The following FAM184A variants were observed in gnomAD, a reference collection of about 807,000 sequenced individuals.
FAM184A encodes the protein protein FAM184A.
Under a neutral mutation model 143.8 loss-of-function variants are expected in FAM184A, and 99 were observed. The observed-to-expected ratio is 0.69, with a 90% CI of 0.58 to 0.81. The LOEUF is 0.81. FAM184A is among the 40% of genes least tolerant of loss of function. The probability of loss-of-function intolerance (pLI) is 0.00; values close to 1 mark genes in which losing one functional copy is unlikely to be tolerated. For missense variants in FAM184A, 1,217 were observed against 1,310.5 expected, an observed-to-expected ratio of 0.93 and a Z score of 1.10; for synonymous variants, 427 against 446.4, an observed-to-expected ratio of 0.96 and a Z score of 0.55.
At position 119,019,972 on chromosome 6, in the gene FAM184A, T is replaced by G. The variant is rs762494265; in HGVS notation, c.1332+6A>C. ...CGGGGGGAATGGAGTGTCCATTACTTTTTACCTTCTCCAGTTCTAGAATCT... is the reference window on the plus strand; with the variant it reads ...CGGGGGGAATGGAGTGTCCATTACTGTTTACCTTCTCCAGTTCTAGAATCT... On this transcript the variant is annotated splice_donor_region_variant and intron_variant, in intron 4 of 17. Coordinates refer to ENST00000338891, the MANE Select transcript of FAM184A (RefSeq NM_024581.6). The G allele has an allele frequency of 1.1e-5, 17 of 1,545,192 alleles. No individual in the cohort carries two copies. Among genetic ancestry groups the G allele is most frequent in the African/African-American group, 1.4e-5 (1 of 71,180 alleles).
intron 1 of FAM184A, among the ~76,000 whole-genome samples, chr6:119,146,845 C>A (rs73767267): frequency 3.0e-4 from 45 of 152,174 alleles, no homozygotes; most frequent in African/African-American, 9.6e-4. Context: ...CAGATTGGAG[C>A]TCTTCCAACT....
intron 1 of FAM184A, among the ~76,000 whole-genome samples, chr6:119,066,478 A>G (rs966140459): frequency 6.6e-6 from 1 of 152,224 alleles, no homozygotes; most frequent in African/African-American, 2.4e-5. Flanking sequence ...CACAGGTTCT[A>G]GGTATTAGAA....
intron 1 of FAM184A, among the ~76,000 whole-genome samples, chr6:119,100,655 T>C (rs1788615173): frequency 6.6e-6 from 1 of 151,946 alleles, no homozygotes; most frequent in Admixed American, 6.5e-5. Context: ...TTAGTTTTCT[T>C]GAACATTAAA....
intron 5 of FAM184A, among the ~76,000 whole-genome samples, chr6:119,016,286 C>T (rs1298693910): frequency 6.6e-6 from 1 of 152,100 alleles, no homozygotes; most frequent in African/African-American, 2.4e-5. Flanking sequence ...ACAACCCGCT[C>T]GGGTCCCCTT....
intron 1 of FAM184A, among the ~76,000 whole-genome samples, chr6:119,140,886 C>T (rs1414932517): frequency 2.0e-5 from 3 of 152,198 alleles, no homozygotes; most frequent in Non-Finnish European, 4.4e-5. Context: ...AATTGATTCA[C>T]TAGGTAATAA....
intron 14 of FAM184A, 107 bp from the exon 15 acceptor site, chr6:118,967,059 C>G: frequency 1.8e-6 from 1 of 565,572 alleles, no homozygotes; most frequent in Non-Finnish European, 3.1e-6. Context: ...AAATCTGAAA[C>G]AAAACTTCTT....
chr6:118,985,352 G>C (rs1410627470), intron 9 of FAM184A, among the ~76,000 whole-genome samples: 2 of 152,194 alleles, frequency 1.3e-5, no homozygotes, highest in Non-Finnish European at 2.9e-5. Context: ...GAAACCATGA[G>C]AGTGTCCTGA....
At chr6:119,064,013 T>C (rs181650589) in intron 1 of FAM184A, among the ~76,000 whole-genome samples, 123 of 152,158 alleles carry the variant, frequency 8.1e-4, no homozygotes, top group African/African-American at 2.7e-3. Context: ...CCATAAACAA[T>C]CTCAAGACTG....
Position 119,018,230 on chromosome 6 carries a change from AAGACAG to A in FAM184A, c.1333-1292_1333-1287del, listed in dbSNP as rs2114676552. ...TGTGTGTTTCAGAGAGAGAGAGACA[AAGACAG>A]AGACAGAGAGATATCAGGGAAGGCT... On this transcript the variant is annotated intron_variant, in intron 4 of 17. Coordinates refer to ENST00000338891, the MANE Select transcript of FAM184A (RefSeq NM_024581.6). Among the ~76,000 whole-genome samples the A allele has an allele frequency of 1.3e-5, 2 of 152,282 alleles. 1 individual carries two copies. The highest frequency in any genetic ancestry group is 4.1e-4 in the South Asian group (2 of 4,826).
chr6:119,035,504 T>C (rs1003441508), intron 1 of FAM184A, among the ~76,000 whole-genome samples: 1 of 152,216 alleles, frequency 6.6e-6, no homozygotes, highest in African/African-American at 2.4e-5. Context: ...TATTTTGAAA[T>C]GGCCCTGCAA....
At chr6:119,064,202 C>T (rs966891038) in intron 1 of FAM184A, among the ~76,000 whole-genome samples, 1 of 152,278 alleles carries the variant, frequency 6.6e-6, no homozygotes, top group South Asian at 2.1e-4. Context: ...CACTTCCTTC[C>T]TTACACAGTA....
intron 1 of FAM184A, among the ~76,000 whole-genome samples, chr6:119,035,860 T>C (rs756709733): frequency 1.3e-5 from 2 of 152,176 alleles, no homozygotes; most frequent in Non-Finnish European, 2.9e-5. Flanking sequence ...TTACGTGTAC[T>C]GATTTATGTT....
chr6:119,074,002 G>A (rs187803676), intron 1 of FAM184A, among the ~76,000 whole-genome samples: 3 of 152,182 alleles, frequency 2.0e-5, no homozygotes, highest in Non-Finnish European at 4.4e-5. Context: ...AGAGGCTGAG[G>A]AAGGAGTAAG....
At chr6:119,128,725 T>C (rs1031221432) in intron 1 of FAM184A, among the ~76,000 whole-genome samples, 2 of 152,174 alleles carry the variant, frequency 1.3e-5, no homozygotes, top group Non-Finnish European at 2.9e-5. Flanking sequence ...GACTCTGGTA[T>C]AGCATCGCAT....
chr6:119,096,895 C>T (rs1313063088), intron 1 of FAM184A, among the ~76,000 whole-genome samples: 2 of 152,104 alleles, frequency 1.3e-5, no homozygotes, highest in Non-Finnish European at 2.9e-5. Flanking sequence ...CCAGGAAGCC[C>T]GTCCAAGCTC....
chr6:119,056,515 T>C (rs1009231731), intron 1 of FAM184A, among the ~76,000 whole-genome samples: 11 of 152,348 alleles, frequency 7.2e-5, no homozygotes, highest in Admixed American at 5.2e-4. Flanking sequence ...TTACTTGGCA[T>C]TGGGCATCAA....
chr6:119,029,294 A>T (rs1018231087), intron 1 of FAM184A, among the ~76,000 whole-genome samples: 14 of 152,206 alleles, frequency 9.2e-5, no homozygotes, highest in African/African-American at 3.4e-4. Context: ...TATTTTGGGG[A>T]TGAAATGAGG....
At chr6:119,120,657 A>G (rs1326914849) in intron 1 of FAM184A, among the ~76,000 whole-genome samples, 3 of 152,188 alleles carry the variant, frequency 2.0e-5, no homozygotes, top group African/African-American at 7.2e-5. Flanking sequence ...ATCCTCATCA[A>G]CACTTACTAT....
chr6:119,042,744 G>A (rs1204930270), intron 1 of FAM184A, among the ~76,000 whole-genome samples: 1 of 152,156 alleles, frequency 6.6e-6, no homozygotes, highest in Non-Finnish European at 1.5e-5. Flanking sequence ...AGGTAATAAT[G>A]ATGGACTTTG....
Sources: allele counts gnomAD v4.1 joint callset (sites outside exome capture counted in the v4.1 genomes callset), GRCh38; gene constraint gnomAD v4.1.1; transcripts MANE v1.5; gene names NCBI Gene and HGNC (gene_info 2026-07-23, HGNC 2026-07-21).